The following CHD5 variants were observed in gnomAD, a reference collection of about 807,000 sequenced individuals.
The protein encoded by CHD5 is ATP-dependent chromatin remodeler CHD5.
Under a neutral mutation model 230.3 loss-of-function variants are expected in CHD5, and 69 were observed. The observed-to-expected ratio is 0.30, with a 90% CI of 0.25 to 0.37. The LOEUF (loss-of-function observed/expected upper bound fraction) is 0.37. Ranked by LOEUF, CHD5 falls within the 10% of genes least tolerant of loss-of-function variation. The pLI, the probability that CHD5 is intolerant of heterozygous loss-of-function variation, is 1.00. For missense variants in CHD5, 1,827 were observed against 2,622.8 expected (o/e 0.70, Z 6.63); for synonymous variants, 1,064 against 1,065.9 (o/e 1.00, Z 0.03).
At chr1:6,162,659 A>G (rs1667196363) in intron 2 of CHD5, among the ~76,000 whole-genome samples, 1 of 152,180 alleles carries the variant, frequency 6.6e-6, no homozygotes, top group Admixed American at 6.5e-5. Flanking sequence ...GATAATGCCC[A>G]GAAAATGCCC....
chr1:6,169,720 CAAGA>C (rs938891320), intron 1 of CHD5, among the ~76,000 whole-genome samples: 8 of 152,266 alleles, frequency 5.3e-5, no homozygotes, highest in African/African-American at 1.9e-4. Flanking sequence ...GAAGAACCTC[CAAGA>C]GTCCTCTAGA....
intron 37 of CHD5, among the ~76,000 whole-genome samples, 200 bp downstream of exon 37, chr1:6,110,194 G>A (rs1021891052): frequency 6.6e-6 from 1 of 152,236 alleles, no homozygotes; most frequent in African/African-American, 2.4e-5. Context: ...ACACCCCAAG[G>A]CGGCAGATAC....
Position 6,128,911 on chromosome 1 carries a change from C to G in CHD5, c.3546G>C (p.Gly1182=), listed in dbSNP as rs753970669. The part of the protein sequence containing the change: ...VVRPGLGSKS[G]SMTKQELDDI... ...CGTCCAGCTCCTGCTTGGTCATGGA[C>G]CCCGACTTGGAGCCGAGGCCGGGCC... is the stretch of plus-strand genomic sequence containing the variant. Residue 1182 remains glycine (G), a synonymous_variant, in exon 23 of 42, where the codon GGG becomes GGC. Transcript: ENST00000262450. This position sits in a 1 kb window ranked among gnomAD's most constrained non-coding sequence, Gnocchi z 7.8. The G allele has an allele frequency of 1.2e-6, 2 of 1,613,366 alleles. No homozygotes were observed. The highest frequency in any genetic ancestry group is 1.7e-5 in the Admixed American group (1 of 60,026).
intron 39 of CHD5, 23 bp downstream of exon 39, chr1:6,106,593 G>A (rs745891689): frequency 3.9e-5 from 60 of 1,554,116 alleles, no homozygotes; most frequent in Admixed American, 2.7e-4. Context: ...GGCTCGGGCC[G>A]GGGCACACAG....
intron 7 of CHD5, among the ~76,000 whole-genome samples, chr1:6,150,806 T>G (rs965082841): frequency 6.6e-6 from 1 of 152,170 alleles, no homozygotes; most frequent in Admixed American, 6.5e-5. Context: ...CTTTCCTTAC[T>G]GGGACAGGAT....
At chr1:6,152,578 G>A in intron 5 of CHD5, 42 bp from the exon 6 acceptor site, 1 of 1,610,444 alleles carries the variant, frequency 6.2e-7, no homozygotes, top group Non-Finnish European at 8.5e-7. Flanking sequence ...TGCCACCACT[G>A]ACGGCCTGCT....
chr1:6,158,574 C>A (rs989400281), intron 3 of CHD5, among the ~76,000 whole-genome samples: 3 of 152,204 alleles, frequency 2.0e-5, no homozygotes, highest in Non-Finnish European at 4.4e-5. Context: ...ACTCAGAAGG[C>A]TAAGGCAGGA....
In CHD5 at chr1:6,134,616, C is replaced by T; in HGVS notation, c.3012+102G>A. On this transcript the variant is annotated intron_variant, in intron 19 of 41. Coordinates refer to ENST00000262450, the MANE Select transcript of CHD5 (RefSeq NM_015557.3). The surrounding 1 kb of genome is among the most constrained non-coding windows in gnomAD (Gnocchi z 6.3). ...CAGCCACAGAAATCGCCACAATGGC[C>T]AGGAGAACCTATCACAGCGGCCACA... is the stretch of plus-strand genomic sequence containing the variant. 1.6e-6 allele frequency: 2 copies of T among 1,259,080 alleles called. No individual in the cohort carries two copies. The highest frequency in any genetic ancestry group is 2.3e-6 in the Non-Finnish European group (2 of 869,366). The allele number at this position is 1,259,080 out of a possible 1,614,324, so 78.0% of individuals were successfully genotyped here.
intron 2 of CHD5, among the ~76,000 whole-genome samples, chr1:6,161,132 G>A (rs1571168256): frequency 1.3e-5 from 2 of 152,032 alleles, no homozygotes; most frequent in African/African-American, 4.8e-5. Flanking sequence ...GGGAGGGAGG[G>A]AGAAGGAAAG....
chr1:6,102,347 A>T lies in CHD5; in HGVS notation c.*3127T>A, dbSNP rs3827728. 1.3e-5 allele frequency: 2 copies of T among 156,100 alleles called. No individual in the cohort carries two copies. Among genetic ancestry groups the T allele is most frequent in the Non-Finnish European group, 1.4e-5 (1 of 70,352 alleles). 9.7% of individuals were successfully genotyped at this position (156,100 alleles called of 1,614,324 possible). A position where few individuals can be genotyped will look rare whatever the true frequency, so the allele number is the denominator to read the frequency against. The stretch of plus-strand genomic sequence containing the variant: ...CTGTAAACTTTCAGACACAGAAAAC[A>T]GGACAGGAACCAGCTGCCGAGGCCG... On this transcript the variant is annotated 3_prime_UTR_variant, in exon 42 of 42. Coordinates refer to ENST00000262450, the MANE Select transcript of CHD5 (RefSeq NM_015557.3).
At position 6,109,851 on chromosome 1, in the gene CHD5, TGCTGGTG is replaced by T; in HGVS notation, c.5515_5521del (p.His1839ThrfsTer21). ...CCCAGCAAGGGACTCCTTGGACAGGTGCTGGTGGCTCTCGGCGAGGCACTCCACTTCA... is the reference window on the plus strand; with the variant it reads ...CCCAGCAAGGGACTCCTTGGACAGGTGCTCTCGGCGAGGCACTCCACTTCA... On this transcript the variant is annotated frameshift_variant, in exon 38 of 42. Transcript: ENST00000262450. LOFTEE classifies it high-confidence loss of function. The T allele has an allele frequency of 3.1e-6, 5 of 1,612,790 alleles. No homozygotes were observed. The highest frequency in any genetic ancestry group is 4.2e-6 in the Non-Finnish European group (5 of 1,179,704).
Position 6,130,737 on chromosome 1 carries a change from T to C in CHD5, c.3263-409A>G, listed in dbSNP as rs887434869. On this transcript the variant is annotated intron_variant, in intron 21 of 41. Coordinates refer to ENST00000262450, the MANE Select transcript of CHD5 (RefSeq NM_015557.3). This position sits in a 1 kb window ranked among gnomAD's most constrained non-coding sequence, Gnocchi z 4.9. ...TGCTGCCAGGGCAGCCCGGGAAAAC[T>C]CAGGGGCGCAGCTCCGGGACCTGGG... Among the ~76,000 whole-genome samples the C allele has an allele frequency of 3.9e-5, 6 of 152,152 alleles. No individual in the cohort carries two copies. Among genetic ancestry groups the C allele is most frequent in the African/African-American group, 1.4e-4 (6 of 41,424 alleles).
chr1:6,108,379 G>A (rs558672035), intron 38 of CHD5, among the ~76,000 whole-genome samples: 15 of 148,670 alleles, frequency 1.0e-4, no homozygotes, highest in South Asian at 4.4e-4. Context: ...ATGGAAGGAC[G>A]AAGGGATGAT....
intron 8 of CHD5, 55 bp from the exon 9 acceptor site, chr1:6,149,130 C>A: frequency 6.8e-7 from 1 of 1,468,102 alleles, no homozygotes; most frequent in Non-Finnish European, 9.1e-7. Context: ...CTCCACCAGG[C>A]CCGACTCCCT....
intron 1 of CHD5, among the ~76,000 whole-genome samples, chr1:6,177,790 G>A (rs1318248681): frequency 2.0e-5 from 3 of 152,220 alleles, no homozygotes; most frequent in Admixed American, 6.5e-5. Context: ...AGGGCCCCAT[G>A]GCAGGATGGA....
intron 2 of CHD5, among the ~76,000 whole-genome samples, chr1:6,161,176 C>G (rs557888690): frequency 3.9e-5 from 6 of 152,206 alleles, no homozygotes; most frequent in Admixed American, 3.3e-4. Flanking sequence ...AATGAGGAGG[C>G]AGCAAAGGCG....
chr1:6,158,985 C>T (rs867445340), intron 3 of CHD5, among the ~76,000 whole-genome samples: 15 of 105,446 alleles, frequency 1.4e-4, no homozygotes, highest in Admixed American at 9.5e-4. Context: ...CCAGCCTGGG[C>T]GACAGAGCGA....
chr1:6,169,535 C>T (rs1477528371), intron 1 of CHD5, among the ~76,000 whole-genome samples: 1 of 152,230 alleles, frequency 6.6e-6, no homozygotes, highest in Non-Finnish European at 1.5e-5. Context: ...CGGCAGTAGC[C>T]TGGGGTCTGA....
intron 9 of CHD5, among the ~76,000 whole-genome samples, chr1:6,147,961 T>C (rs1666937344): frequency 6.8e-6 from 1 of 147,722 alleles, no homozygotes; most frequent in African/African-American, 2.5e-5. Context: ...TCCCAGCCCC[T>C]CAGGGAAGAA....
Sources: allele counts gnomAD v4.1 joint callset (sites outside exome capture counted in the v4.1 genomes callset), GRCh38; gene constraint gnomAD v4.1.1; non-coding constraint Gnocchi (gnomAD v3.1); transcripts MANE v1.5; gene names NCBI Gene and HGNC (gene_info 2026-07-23, HGNC 2026-07-21).